The following PCDH7 variants were observed in gnomAD, a reference collection of about 807,000 sequenced individuals.
PCDH7 encodes protocadherin 7, also known as protocadherin-7.
Under a neutral mutation model 58.9 loss-of-function variants are expected in PCDH7, and 17 were observed. The observed-to-expected ratio is 0.29, with a 90% CI of 0.20 to 0.43. The LOEUF (loss-of-function observed/expected upper bound fraction) is 0.43, where lower values mean the gene tolerates loss of function less well. Among genes scored for constraint, PCDH7 ranks in the 20% least tolerant of loss-of-function variants. The pLI is 1.00. For missense variants in PCDH7, 1,274 were observed against 1,441.0 expected, an observed-to-expected ratio of 0.88 and a Z score of 1.88; for synonymous variants, 664 against 616.4, an observed-to-expected ratio of 1.08 and a Z score of -1.14.
chr4:31,042,065 G>T (rs1755910857), intron 3 of PCDH7, among the ~76,000 whole-genome samples: 1 of 152,168 alleles, frequency 6.6e-6, no homozygotes, highest in Non-Finnish European at 1.5e-5. Context: ...GACAAAGTAT[G>T]CAGTGAGTTA....
chr4:31,031,239 T>C (rs1754893200), intron 3 of PCDH7, among the ~76,000 whole-genome samples: 1 of 152,174 alleles, frequency 6.6e-6, no homozygotes, highest in Non-Finnish European at 1.5e-5. Flanking sequence ...CAAGGGACAT[T>C]GGCAATGTCT....
intron 3 of PCDH7, among the ~76,000 whole-genome samples, chr4:31,111,200 G>A (rs1716262688): frequency 6.6e-6 from 1 of 150,980 alleles, no homozygotes; most frequent in East Asian, 2.0e-4. Context: ...TACCTTATAT[G>A]TAGCCCAAAG....
intron 3 of PCDH7, among the ~76,000 whole-genome samples, chr4:31,029,685 T>C (rs1376491032): frequency 1.3e-5 from 2 of 152,306 alleles, no homozygotes; most frequent in East Asian, 1.9e-4. Context: ...GATGGAGTGG[T>C]CCAGAATTCT....
intron 3 of PCDH7, among the ~76,000 whole-genome samples, chr4:31,129,004 T>A (rs2109333976): frequency 6.6e-6 from 1 of 152,326 alleles, no homozygotes; most frequent in Non-Finnish European, 1.5e-5. Flanking sequence ...ATCTTGCTAA[T>A]AATTCTACCT....
At chr4:30,960,293 G>T (rs1006136682) in intron 3 of PCDH7, among the ~76,000 whole-genome samples, 1 of 152,084 alleles carries the variant, frequency 6.6e-6, no homozygotes, top group Non-Finnish European at 1.5e-5. Flanking sequence ...ATTAAAATAG[G>T]ATTATCTCTT....
At chr4:30,759,375 C>T (rs1295106404) in intron 1 of PCDH7, among the ~76,000 whole-genome samples, 5 of 152,332 alleles carry the variant, frequency 3.3e-5, no homozygotes, top group Admixed American at 2.0e-4. Flanking sequence ...GAGCTCTACA[C>T]TTTTCTGGTG....
chr4:31,055,582 TG>T (rs1426100272), intron 3 of PCDH7, among the ~76,000 whole-genome samples: 2 of 151,994 alleles, frequency 1.3e-5, no homozygotes, highest in Non-Finnish European at 2.9e-5. Flanking sequence ...TTTATTTTTT[TG>T]TTTTTTTGTT....
chr4:30,950,616 T>A (rs1747261097), intron 3 of PCDH7, among the ~76,000 whole-genome samples: 1 of 152,156 alleles, frequency 6.6e-6, no homozygotes, highest in Non-Finnish European at 1.5e-5. Context: ...TTAATAGCAT[T>A]TGCATCTTCA....
At chr4:30,914,825 T>C (rs2109409001) in intron 1 of PCDH7, among the ~76,000 whole-genome samples, 1 of 152,290 alleles carries the variant, frequency 6.6e-6, no homozygotes, top group Admixed American at 6.5e-5. Context: ...ATACATACCC[T>C]GAGCCTAAGG....
At chr4:31,056,987 G>A (rs532026077) in intron 3 of PCDH7, among the ~76,000 whole-genome samples, 3 of 152,220 alleles carry the variant, frequency 2.0e-5, no homozygotes, top group South Asian at 4.1e-4. Flanking sequence ...ACGTATTAAG[G>A]ATTTGTTTAT....
chr4:30,881,370 C>T (rs1482370554), intron 1 of PCDH7, among the ~76,000 whole-genome samples: 1 of 151,952 alleles, frequency 6.6e-6, no homozygotes, highest in African/African-American at 2.4e-5. Context: ...CAAAACAAAA[C>T]CCAGAACAAA....
intron 3 of PCDH7, among the ~76,000 whole-genome samples, chr4:31,052,457 GATTAAATAATGCAATGA>G (rs1756835635): frequency 6.6e-6 from 1 of 152,132 alleles, no homozygotes; most frequent in Non-Finnish European, 1.5e-5. Flanking sequence ...AGAGGTGGTA[GATTAAATAATGCAATGA>G]ATTCAATCCA....
chr4:30,963,510 T>C (rs180704160), intron 3 of PCDH7, among the ~76,000 whole-genome samples: 1 of 152,334 alleles, frequency 6.6e-6, no homozygotes, highest in Admixed American at 6.5e-5. Flanking sequence ...TACTACAGAA[T>C]ACCTCCTTTG....
In PCDH7 at chr4:31,121,865, A is replaced by T. The variant is rs548847888; in HGVS notation, c.*8-20608A>T. ...TATGTGGGTCTCTTTAGTTATCTAC[A>T]AGGTAGCAGATTTTATTATATCTTG... On this transcript the variant is annotated intron_variant, in intron 3 of 3. Transcript: ENST00000509759. 3.9e-5 allele frequency among the ~76,000 whole-genome samples: 6 copies of T among 152,280 alleles called. No homozygotes were observed. The South Asian group carries it at 1.2e-3, about 32-fold the overall frequency.
intron 1 of PCDH7, among the ~76,000 whole-genome samples, chr4:30,907,579 T>A (rs1393411797): frequency 2.0e-5 from 3 of 152,112 alleles, no homozygotes; most frequent in Non-Finnish European, 4.4e-5. Flanking sequence ...AGAATGGTGA[T>A]CATTAAAAAG....
intron 3 of PCDH7, among the ~76,000 whole-genome samples, chr4:31,126,472 G>A (rs1445186825): frequency 2.6e-5 from 4 of 152,102 alleles, no homozygotes; most frequent in African/African-American, 9.7e-5. Context: ...TTTATTGAAT[G>A]TATGAATAAA....
chr4:30,786,942 G>A (rs893626783), intron 1 of PCDH7, among the ~76,000 whole-genome samples: 5 of 151,904 alleles, frequency 3.3e-5, no homozygotes, highest in African/African-American at 1.2e-4. Flanking sequence ...AAACAAAAAA[G>A]GCTTTAAAAT....
At chr4:30,934,589 C>T (rs138094935) in intron 2 of PCDH7, among the ~76,000 whole-genome samples, 1,950 of 152,148 alleles carry the variant, frequency 0.013, 23 homozygotes, top group South Asian at 0.022. Context: ...CTTTCCTAAA[C>T]TCACCATCTC....
At chr4:31,049,083 T>C (rs1313987428) in intron 3 of PCDH7, among the ~76,000 whole-genome samples, 1 of 152,122 alleles carries the variant, frequency 6.6e-6, no homozygotes, top group African/African-American at 2.4e-5. Context: ...TGTGCCATGT[T>C]GATATGCTGC....
Sources: gnomAD v4.1 joint callset for allele counts (sites outside exome capture counted in the v4.1 genomes callset) on GRCh38, gnomAD v4.1.1 for gene constraint, MANE v1.5 for transcripts, NCBI Gene and HGNC (gene_info 2026-07-23, HGNC 2026-07-21) for gene names.